The following SCN9A variants were observed in gnomAD, a reference collection of about 807,000 sequenced individuals.
The protein encoded by SCN9A is sodium channel protein type 9 subunit alpha.
A neutral mutation model predicts 187.0 loss-of-function variants in SCN9A; 131 were observed. That is an observed-to-expected ratio of 0.70 (90% confidence interval 0.61 to 0.81). SCN9A has a LOEUF of 0.81. Among genes scored for constraint, SCN9A ranks in the 30% least tolerant of loss-of-function variants. The pLI is 0.00. For synonymous variants in SCN9A, 809 were observed against 808.6 expected, an observed-to-expected ratio of 1.00 and a Z score of -0.01; for missense variants, 2,252 against 2,396.6, an observed-to-expected ratio of 0.94 and a Z score of 1.26.
chr2:166,281,885 T>C (rs1301696203), intron 12 of SCN9A, 77 bp from the exon 13 acceptor site: 1 of 1,346,526 alleles, frequency 7.4e-7, no homozygotes, highest in South Asian at 1.5e-5. Context: ...CTTGCTTATA[T>C]AGCTGTAGTG....
intron 1 of SCN9A, among the ~76,000 whole-genome samples, chr2:166,350,004 T>TA (rs35730267): frequency 0.6 from 90,635 of 150,046 alleles, 27,356 homozygotes; most frequent in African/African-American, 0.68. Flanking sequence ...AAATAAAAAA[T>TA]AAAATAAAAT....
intron 5 of SCN9A, among the ~76,000 whole-genome samples, chr2:166,305,578 T>G (rs748000776): frequency 2.0e-5 from 3 of 152,092 alleles, no homozygotes; most frequent in Non-Finnish European, 4.4e-5. Context: ...ATGATCAATC[T>G]CAATGATGTC....
At chr2:166,369,995 T>A (rs947468298) in intron 1 of SCN9A, among the ~76,000 whole-genome samples, 6 of 151,602 alleles carry the variant, frequency 4.0e-5, no homozygotes, top group African/African-American at 1.5e-4. Context: ...ATGAAACATT[T>A]TTCTCATTTT....
chr2:166,356,180 C>G (rs562364859), intron 1 of SCN9A, among the ~76,000 whole-genome samples: 15 of 152,266 alleles, frequency 9.9e-5, no homozygotes, highest in Admixed American at 5.9e-4. Flanking sequence ...TTTCTTTTCT[C>G]AGTGTTTGGG....
rs143494892 is a variant in SCN9A, at chr2:166,236,274, C to T, written c.3801+1820G>A. ...AATAGCAAGAAATCATTACTATATC[C>T]GAAGTTAGAATTCTCATAGAGGAAA... is the stretch of plus-strand genomic sequence containing the variant. On this transcript the variant is annotated intron_variant, in intron 20 of 26. Coordinates refer to ENST00000642356, the MANE Select transcript of SCN9A (RefSeq NM_001365536.1). Among the ~76,000 whole-genome samples, 1,114 of 151,488 alleles carry T rather than the reference C, an allele frequency of 7.4e-3. 13 individuals carry two copies. The highest frequency in any genetic ancestry group is 0.053 in the South Asian group (253 of 4,778).
At chr2:166,327,740 A>C (rs1699399963) in intron 1 of SCN9A, among the ~76,000 whole-genome samples, 1 of 152,172 alleles carries the variant, frequency 6.6e-6, no homozygotes, top group Non-Finnish European at 1.5e-5. Flanking sequence ...TCTTATTAGA[A>C]ATAAACAGTC....
chr2:166,222,931 AAAAAAAAAAACAAC>A (rs1232497491), intron 24 of SCN9A, among the ~76,000 whole-genome samples: 19 of 84,084 alleles, frequency 2.3e-4, no homozygotes, highest in South Asian at 3.9e-4. Context: ...ACTCCGTCTC[AAAAAAAAAAACAAC>A]AAAAAAAAAA....
chr2:166,286,480 C>G lies in SCN9A; in HGVS notation c.1458G>C (p.Lys486Asn). ...CCTTTTCCTCTCCACTGGAGAGCTT[C>G]TTTTGATTCTTTTTCTTTCTTCTGT... The part of the protein sequence containing the change: ...RRNRRKKKNQ[K>N]KLSSGEEKGD... Residue 486 changes from lysine to asparagine, a missense_variant, in exon 11 of 27, where the codon AAG (lysine) becomes AAC (asparagine). By Grantham distance (94) the Lys-to-Asn change is moderately conservative. This residue lies in a region of SCN9A where 1,013 missense variants were observed against 997.4 expected (regional missense o/e 1.02). Transcript: ENST00000642356. 6.2e-7 allele frequency: 1 copy of G among 1,613,772 alleles called. No individual in the cohort carries two copies.
rs191343221 is a variant in SCN9A at position 166,323,998 on chromosome 2, G to A, written c.-50-12192C>T. On this transcript the variant is annotated intron_variant, in intron 1 of 26. Coordinates refer to ENST00000642356, the MANE Select transcript of SCN9A (RefSeq NM_001365536.1). ...TCAAGGAGCAGGAAAATAGCTACAC[G>A]CTCACAACTCTATATTTTCTTATTT... Among the ~76,000 whole-genome samples the A allele has an allele frequency of 2.5e-3, 374 of 150,626 alleles. 1 individual carries two copies. Among genetic ancestry groups the A allele is most frequent in the African/African-American group, 8.2e-3 (337 of 41,040 alleles).
intron 23 of SCN9A, 78 bp downstream of exon 23, chr2:166,227,592 G>T: frequency 1.2e-6 from 1 of 846,582 alleles, no homozygotes; most frequent in Non-Finnish European, 2.0e-6. Flanking sequence ...GCTTCATGAA[G>T]TTATAGTTTG....
chr2:166,345,900 C>T (rs16851966), intron 1 of SCN9A, among the ~76,000 whole-genome samples: 2,024 of 152,270 alleles, frequency 0.013, 15 homozygotes, highest in African/African-American at 0.019. Flanking sequence ...ATGGGCATTA[C>T]ACATTACACT....
At chr2:166,262,906 G>A (rs1008875738) in intron 17 of SCN9A, among the ~76,000 whole-genome samples, 5 of 151,932 alleles carry the variant, frequency 3.3e-5, no homozygotes, top group African/African-American at 1.2e-4. Context: ...TGCTGTCTGT[G>A]GTTCTGTCAT....
intron 1 of SCN9A, among the ~76,000 whole-genome samples, chr2:166,348,069 C>A (rs540903705): frequency 3.6e-4 from 55 of 152,258 alleles, no homozygotes; most frequent in African/African-American, 1.3e-3. Flanking sequence ...GTTCTTCCAG[C>A]TTCTCTGCTA....
chr2:166,330,887 T>G (rs1309966078), intron 1 of SCN9A, among the ~76,000 whole-genome samples: 1 of 152,106 alleles, frequency 6.6e-6, no homozygotes, highest in Non-Finnish European at 1.5e-5. Flanking sequence ...CATGGACCAG[T>G]ATCTGTCACT....
chr2:166,306,127 G>A (rs1044496494), intron 4 of SCN9A, among the ~76,000 whole-genome samples: 4 of 151,980 alleles, frequency 2.6e-5, no homozygotes, highest in African/African-American at 7.2e-5. Flanking sequence ...GAAAGCAGAG[G>A]TACTTGAAAT....
chr2:166,221,542 A>G (rs537415043), intron 24 of SCN9A, among the ~76,000 whole-genome samples: 1 of 152,228 alleles, frequency 6.6e-6, no homozygotes, highest in South Asian at 2.1e-4. Flanking sequence ...CTAGGACTAT[A>G]GGTGTGTGCC....
intron 1 of SCN9A, among the ~76,000 whole-genome samples, chr2:166,370,822 A>C (rs1700544401): frequency 6.6e-6 from 1 of 152,044 alleles, no homozygotes; most frequent in Non-Finnish European, 1.5e-5. Flanking sequence ...GAAGAAGGAA[A>C]AAAAAAAAGA....
intron 7 of SCN9A, among the ~76,000 whole-genome samples, chr2:166,295,413 C>G (rs929746144): frequency 6.6e-6 from 1 of 152,128 alleles, no homozygotes; most frequent in Non-Finnish European, 1.5e-5. Context: ...TCCTAGGGTG[C>G]ACTTATACAA....
At chr2:166,216,444 T>C (rs973573365) in intron 24 of SCN9A, among the ~76,000 whole-genome samples, 73 of 152,032 alleles carry the variant, frequency 4.8e-4, no homozygotes, top group African/African-American at 1.6e-3. Flanking sequence ...AATAAAATTA[T>C]CTCTGTTTGC....
Sources: allele counts gnomAD v4.1 joint callset (sites outside exome capture counted in the v4.1 genomes callset), GRCh38; gene constraint gnomAD v4.1.1; regional missense constraint gnomAD v4.1.1; transcripts MANE v1.5; gene names NCBI Gene and HGNC (gene_info 2026-07-23, HGNC 2026-07-21).